The following PSMG2 variants were observed in gnomAD, a reference collection of about 807,000 sequenced individuals.
PSMG2 encodes the protein proteasome assembly chaperone 2.
In PSMG2, 21 loss-of-function variants were observed where a neutral mutation model predicts 31.5. The ratio of observed to expected loss-of-function variants is 0.67; its 90% CI spans 0.47 to 0.96. PSMG2 has a LOEUF of 0.96. PSMG2 is among the 40% of genes least tolerant of loss of function. PSMG2 has a pLI of 0.00. For missense variants in PSMG2, 318 were observed against 321.2 expected (o/e 0.99, Z 0.08); for synonymous variants, 120 against 110.4 (o/e 1.09, Z -0.54).
chr18:12,697,181 G>A (rs2039986063), intron 1 of PSMG2: 2 of 1,265,806 alleles, frequency 1.6e-6, no homozygotes, highest in Non-Finnish European at 2.2e-6. Context: ...CAAATGAACT[G>A]TGGCTATAAA....
upstream of PSMG2, chr18:12,702,815 C>T (rs912474680): frequency 5.3e-6 from 3 of 561,706 alleles, no homozygotes; most frequent in Non-Finnish European, 9.3e-6. Flanking sequence ...ATCGTTTCCG[C>T]CCGCCGCTCC....
intron 5 of PSMG2, among the ~76,000 whole-genome samples, chr18:12,722,698 A>G (rs1445267690): frequency 1.3e-5 from 2 of 152,286 alleles, no homozygotes; most frequent in African/African-American, 2.4e-5. Flanking sequence ...TGTATCAACC[A>G]GAATAAAATA....
At chr18:12,725,303 AT>A (rs1207040221) in intron 6 of PSMG2, 135 bp from the exon 7 acceptor site, 6 of 586,678 alleles carry the variant, frequency 1.0e-5, no homozygotes, top group Non-Finnish European at 1.7e-5. Flanking sequence ...AAGAAACTTT[AT>A]TTTTCCTTAA....
At chr18:12,683,809 G>C (rs2145033442) in intron 1 of PSMG2, among the ~76,000 whole-genome samples, 1 of 151,402 alleles carries the variant, frequency 6.6e-6, no homozygotes. Flanking sequence ...AATGTTCATA[G>C]CATAATGCTT....
chr18:12,677,581 G>A (rs1412974085), intron 1 of PSMG2, among the ~76,000 whole-genome samples: 5 of 151,972 alleles, frequency 3.3e-5, no homozygotes, highest in Non-Finnish European at 5.9e-5. Context: ...CCAACCTGGG[G>A]AGAAAAATGA....
chr18:12,672,414 C>T (rs1285288149), intron 1 of PSMG2, among the ~76,000 whole-genome samples: 2 of 152,152 alleles, frequency 1.3e-5, no homozygotes, highest in Non-Finnish European at 2.9e-5. Flanking sequence ...CTACGCCGAG[C>T]CTTACAAAAT....
At chr18:12,715,910 G>A (rs547777607) in intron 3 of PSMG2, among the ~76,000 whole-genome samples, 2 of 152,288 alleles carry the variant, frequency 1.3e-5, no homozygotes, top group East Asian at 1.9e-4. Flanking sequence ...TGTGAAACCA[G>A]CTTTCAGATC....
chr18:12,714,390 G>A (rs939042455), intron 3 of PSMG2, among the ~76,000 whole-genome samples: 7 of 151,848 alleles, frequency 4.6e-5, no homozygotes, highest in South Asian at 2.1e-4. Context: ...CTTCTCTGCC[G>A]AAATTCATTT....
rs115201195 is a variant in PSMG2, at chr18:12,673,196, G to A, written c.-37+14423G>A. 7,518 of 1,309,286 alleles carry A rather than the reference G, an allele frequency of 5.7e-3. 137 individuals are homozygous for A. The highest frequency in any genetic ancestry group is 0.054 in the African/African-American group (3,504 of 64,830). 81.1% of individuals were successfully genotyped at this position (1,309,286 alleles called of 1,614,324 possible). ...AAGTTTTTCAGCCTTAATTTTTAAAGGAATGCATGATTTTTTTTAAACATT... is the reference window on the plus strand; with the variant it reads ...AAGTTTTTCAGCCTTAATTTTTAAAAGAATGCATGATTTTTTTTAAACATT... On this transcript the variant is annotated intron_variant, in intron 1 of 6. Transcript: ENST00000585331.
At chr18:12,677,618 CAT>C (rs1276458882) in intron 1 of PSMG2, among the ~76,000 whole-genome samples, 25 of 152,000 alleles carry the variant, frequency 1.6e-4, no homozygotes, top group African/African-American at 6.0e-4. Flanking sequence ...ACCCAGTATA[CAT>C]ATTTTTTCTT....
At chr18:12,707,120 T>C (rs2040276795) in intron 2 of PSMG2, among the ~76,000 whole-genome samples, 1 of 152,166 alleles carries the variant, frequency 6.6e-6, no homozygotes, top group African/African-American at 2.4e-5. Flanking sequence ...CGCACCTGGC[T>C]AATTTTTTGT....
intron 1 of PSMG2, chr18:12,674,528 C>T (rs1307969765): frequency 1.9e-6 from 3 of 1,602,090 alleles, no homozygotes; most frequent in East Asian, 2.2e-5. Context: ...CCGTAAATTA[C>T]ACCTTACCGA....
chr18:12,691,112 G>T, intron 1 of PSMG2: 1 of 350,548 alleles, frequency 2.9e-6, no homozygotes, highest in East Asian at 4.8e-5. Context: ...CACAATAATT[G>T]ATTCAACCTG....
intron 2 of PSMG2, among the ~76,000 whole-genome samples, chr18:12,707,400 G>A (rs1299553368): frequency 4.6e-5 from 7 of 152,098 alleles, no homozygotes; most frequent in Non-Finnish European, 7.3e-5. Context: ...AGTAGATTGC[G>A]CTGGACTCAG....
chr18:12,692,834 C>A (rs2039816194), intron 1 of PSMG2, among the ~76,000 whole-genome samples: 1 of 152,066 alleles, frequency 6.6e-6, no homozygotes, highest in African/African-American at 2.4e-5. Context: ...ACTTTAATTT[C>A]TTTTAAGAGA....
chr18:12,670,374 A>G (rs1256170847), intron 1 of PSMG2: 1 of 152,178 alleles, frequency 6.6e-6, no homozygotes, highest in Admixed American at 6.6e-5. Context: ...TGGTAAATGC[A>G]CTGAAATTAC....
In PSMG2 at chr18:12,674,464, TA is replaced by T. The variant is rs1332546252; in HGVS notation, c.-37+15698del. ...GTTAAAAAAAAAAAAAAAAGGAAAT[TA>T]AAAAAACCCCTGCCGGACTGATCTG... On this transcript the variant is annotated intron_variant, in intron 1 of 6. Transcript: ENST00000585331. 9.8e-6 allele frequency: 11 copies of T among 1,116,948 alleles called. No homozygotes were observed. The East Asian group carries it at 1.0e-4, about 10-fold the overall frequency. 69.2% of individuals were successfully genotyped at this position (1,116,948 alleles called of 1,614,324 possible). A position where few individuals can be genotyped will look rare whatever the true frequency, so the allele number is the denominator to read the frequency against.
intron 1 of PSMG2, chr18:12,673,538 G>A (rs2039006146): frequency 6.7e-7 from 1 of 1,483,730 alleles, no homozygotes; most frequent in East Asian, 2.4e-5. Flanking sequence ...CAATTAAGAA[G>A]TGACCATACA....
At chr18:12,716,948 CTTTTTTTTTTT>C (rs56726339) in intron 3 of PSMG2, among the ~76,000 whole-genome samples, 4 of 116,782 alleles carry the variant, frequency 3.4e-5, no homozygotes, top group Non-Finnish European at 5.2e-5. Flanking sequence ...TTTTCTTTTA[CTTTTTTTTTTT>C]TTTTTTTTTT....
Sources: allele counts gnomAD v4.1 joint callset (sites outside exome capture counted in the v4.1 genomes callset), GRCh38; gene constraint gnomAD v4.1.1; transcripts MANE v1.5; gene names NCBI Gene and HGNC (gene_info 2026-07-23, HGNC 2026-07-21).